Variants in ADGRL3 observed in about 807,000 individuals in gnomAD.
ADGRL3 encodes the protein calcium-independent alpha-latrotoxin receptor 3.
In ADGRL3, 62 loss-of-function variants were observed where a neutral mutation model predicts 153.5. The ratio of observed to expected loss-of-function variants is 0.40; its 90% CI spans 0.33 to 0.50. ADGRL3 has a LOEUF of 0.50. Among genes scored for constraint, ADGRL3 ranks in the 20% least tolerant of loss-of-function variants. ADGRL3 has a pLI of 0.47. For synonymous variants in ADGRL3, 710 were observed against 672.5 expected (o/e 1.06, Z -0.86); for missense variants, 1,641 against 1,859.4 (o/e 0.88, Z 2.16).
chr4:61,733,052 T>C lies in ADGRL3; in HGVS notation c.897T>C (p.Phe299=), dbSNP rs1028427571. Residue 299 remains phenylalanine (F), a synonymous_variant, in exon 8 of 27, where the codon TTT becomes TTC. Coordinates refer to ENST00000683033, the MANE Select transcript of ADGRL3 (RefSeq NM_001387552.1). ...NKERTRNIVK[F]DLRTRIKSGE... ...AGCGCACCAGGAACATAGTAAAGTT[T>C]GATTTGCGGACTAGGATAAAGAGTG... 3.9e-5 allele frequency: 63 copies of C among 1,613,626 alleles called. No individual in the cohort carries two copies. Among genetic ancestry groups the C allele is most frequent in the Non-Finnish European group, 5.3e-5 (63 of 1,179,840 alleles).
chr4:61,484,895 A>C (rs1214069078), intron 2 of ADGRL3, among the ~76,000 whole-genome samples: 1 of 107,334 alleles, frequency 9.3e-6, no homozygotes, highest in African/African-American at 3.2e-5. Context: ...CAAATTATCA[A>C]ACCATTACTG....
intron 5 of ADGRL3, among the ~76,000 whole-genome samples, chr4:61,611,835 C>A (rs2091394715): frequency 1.3e-5 from 2 of 151,942 alleles, no homozygotes; most frequent in South Asian, 2.1e-4. Context: ...GTGGGAGGAT[C>A]CCTTGAGCCC....
intron 5 of ADGRL3, among the ~76,000 whole-genome samples, chr4:61,606,263 G>GC (rs2099032026): frequency 1.3e-5 from 2 of 152,202 alleles, no homozygotes; most frequent in African/African-American, 4.8e-5. Context: ...TCAGAGAGCT[G>GC]TAATGATGAG....
At chr4:61,810,016 A>G (rs1273654230) in intron 8 of ADGRL3, among the ~76,000 whole-genome samples, 1 of 152,144 alleles carries the variant, frequency 6.6e-6, no homozygotes, top group African/African-American at 2.4e-5. Flanking sequence ...TATATGACTA[A>G]TAAATGGCAA....
At chr4:61,344,967 T>G (rs2095871441) in intron 1 of ADGRL3, among the ~76,000 whole-genome samples, 3 of 151,410 alleles carry the variant, frequency 2.0e-5, no homozygotes, top group Admixed American at 1.3e-4. Context: ...TTTTTTTTTT[T>G]TGTATTTTTT....
At chr4:61,860,816 A>G (rs764699894) in intron 9 of ADGRL3, among the ~76,000 whole-genome samples, 1 of 152,182 alleles carries the variant, frequency 6.6e-6, no homozygotes, top group Non-Finnish European at 1.5e-5. Flanking sequence ...GATAGTTATT[A>G]TTATCATCAT....
At chr4:61,441,226 C>T (rs1340128316) in intron 2 of ADGRL3, among the ~76,000 whole-genome samples, 1 of 152,124 alleles carries the variant, frequency 6.6e-6, no homozygotes, top group Non-Finnish European at 1.5e-5. Flanking sequence ...ATATTTCTTT[C>T]TACTAATATG....
chr4:61,746,857 C>T (rs1395879225), intron 8 of ADGRL3, among the ~76,000 whole-genome samples: 1 of 151,936 alleles, frequency 6.6e-6, no homozygotes, highest in Non-Finnish European at 1.5e-5. Flanking sequence ...TAACTAAGAT[C>T]AGAGCAGAAC....
intron 13 of ADGRL3, among the ~76,000 whole-genome samples, chr4:61,934,536 T>G (rs954632467): frequency 6.6e-6 from 1 of 152,306 alleles, no homozygotes; most frequent in African/African-American, 2.4e-5. Context: ...GCCAAATAAT[T>G]TAATTATGTG....
At chr4:61,318,406 A>T (rs917510564) in intron 1 of ADGRL3, among the ~76,000 whole-genome samples, 18 of 152,118 alleles carry the variant, frequency 1.2e-4, no homozygotes, top group Admixed American at 1.1e-3. Flanking sequence ...TCAGAGCTTC[A>T]GTACCCTCAT....
In ADGRL3 at chr4:61,847,696, A is replaced by AAATATATTATATATATAATATAT. The variant is rs2098137516; in HGVS notation, c.1480+33829_1480+33830insTAATATATTATATATATAATATA. On this transcript the variant is annotated intron_variant, in intron 9 of 26. Coordinates refer to ENST00000683033, the MANE Select transcript of ADGRL3 (RefSeq NM_001387552.1). ...TAAAATATATTATATATATAATATA[A>AAATATATTATATATATAATATAT]AATATATTATATATATAATATAAAA... 6.3e-5 allele frequency among the ~76,000 whole-genome samples: 3 copies of AAATATATTATATATATAATATAT among 47,488 alleles called. 1 individual carries two copies. The highest frequency in any genetic ancestry group is 1.1e-4 in the Non-Finnish European group (3 of 26,242). The allele number at this position is 47,488 out of a possible 152,430, so 31.2% of individuals were successfully genotyped here. A position where few individuals can be genotyped will look rare whatever the true frequency, so the allele number is the denominator to read the frequency against.
intron 2 of ADGRL3, among the ~76,000 whole-genome samples, chr4:61,440,981 C>G (rs2097523023): frequency 6.6e-6 from 1 of 152,168 alleles, no homozygotes; most frequent in Non-Finnish European, 1.5e-5. Flanking sequence ...GAACCAATAG[C>G]TGAATACAGG....
chr4:62,005,554 T>C (rs1017095772), intron 21 of ADGRL3, among the ~76,000 whole-genome samples: 4 of 152,160 alleles, frequency 2.6e-5, no homozygotes, highest in African/African-American at 9.7e-5. Flanking sequence ...AAATGTCTTC[T>C]TCATAATGAA....
chr4:61,257,878 C>G (rs867661441), intron 1 of ADGRL3, among the ~76,000 whole-genome samples: 7 of 151,222 alleles, frequency 4.6e-5, no homozygotes, highest in Non-Finnish European at 1.0e-4. Flanking sequence ...CGTGTGCGCA[C>G]GCGCACACCC....
At chr4:61,645,037 A>C (rs2150263566) in intron 5 of ADGRL3, among the ~76,000 whole-genome samples, 1 of 152,186 alleles carries the variant, frequency 6.6e-6, no homozygotes, top group African/African-American at 2.4e-5. Context: ...ACCATTATGT[A>C]ATGGCCTTCT....
chr4:61,535,278 T>A (rs2098648547), intron 4 of ADGRL3, among the ~76,000 whole-genome samples: 1 of 152,032 alleles, frequency 6.6e-6, no homozygotes, highest in African/African-American at 2.4e-5. Context: ...CCTTGCATCC[T>A]TGGAATAAGA....
chr4:62,017,281 G>A (rs1003849013), intron 21 of ADGRL3, among the ~76,000 whole-genome samples: 4 of 151,364 alleles, frequency 2.6e-5, no homozygotes, highest in African/African-American at 4.8e-5. Flanking sequence ...ACATATTGAA[G>A]TTTTCCCATT....
At chr4:61,586,221 A>G (rs944998313) in intron 4 of ADGRL3, among the ~76,000 whole-genome samples, 1 of 151,932 alleles carries the variant, frequency 6.6e-6, no homozygotes, top group Non-Finnish European at 1.5e-5. Context: ...CATCAATTTC[A>G]TTTTTTAGAA....
intron 2 of ADGRL3, among the ~76,000 whole-genome samples, chr4:61,396,291 G>A (rs114547840): frequency 0.016 from 2,424 of 151,780 alleles, 60 homozygotes; most frequent in African/African-American, 0.056. Flanking sequence ...AATATATTTA[G>A]AATGCAAACT....
Sources: gnomAD v4.1 joint callset for allele counts (sites outside exome capture counted in the v4.1 genomes callset) on GRCh38, gnomAD v4.1.1 for gene constraint, MANE v1.5 for transcripts, NCBI Gene and HGNC (gene_info 2026-07-23, HGNC 2026-07-21) for gene names.